Variants in CTNNA3 observed in about 807,000 individuals in gnomAD.
CTNNA3 encodes catenin alpha-3.
CTNNA3 carries 76 observed loss-of-function variants against 95.7 expected under a neutral mutation model. That is an observed-to-expected ratio of 0.79 (90% CI 0.66 to 0.96). CTNNA3 has a LOEUF of 0.96. Among genes scored for constraint, CTNNA3 ranks in the 40% least tolerant of loss-of-function variants. CTNNA3 has a pLI of 0.00. For missense variants in CTNNA3, 1,191 were observed against 1,089.8 expected (o/e 1.09, Z -1.31); for synonymous variants, 431 against 374.4 (o/e 1.15, Z -1.74).
intron 5 of CTNNA3, among the ~76,000 whole-genome samples, chr10:67,269,250 A>G (rs1838848275): frequency 6.6e-6 from 1 of 152,208 alleles, no homozygotes; most frequent in Non-Finnish European, 1.5e-5. Context: ...CAAGTGGCTT[A>G]TCTAGATTTA....
intron 13 of CTNNA3, among the ~76,000 whole-genome samples, chr10:66,133,644 A>G (rs1299415304): frequency 2.6e-5 from 4 of 152,202 alleles, no homozygotes; most frequent in African/African-American, 7.2e-5. Context: ...AAATGAAAAT[A>G]TACACTAGGT....
chr10:67,018,768 T>C (rs1268522841), intron 7 of CTNNA3, among the ~76,000 whole-genome samples: 2 of 152,224 alleles, frequency 1.3e-5, no homozygotes, highest in African/African-American at 4.8e-5. Flanking sequence ...AGGAGTTAAT[T>C]TGAGCAACGC....
intron 5 of CTNNA3, among the ~76,000 whole-genome samples, chr10:67,460,741 T>C (rs527871639): frequency 1.3e-5 from 2 of 152,232 alleles, no homozygotes; most frequent in East Asian, 1.9e-4. Context: ...GCCATTTATT[T>C]TTCCAATACA....
intron 13 of CTNNA3, among the ~76,000 whole-genome samples, chr10:66,134,537 A>C (rs1404429162): frequency 6.6e-6 from 1 of 152,160 alleles, no homozygotes; most frequent in East Asian, 1.9e-4. Flanking sequence ...AAGTGGGAAA[A>C]ACAAGTATAA....
intron 11 of CTNNA3, among the ~76,000 whole-genome samples, chr10:66,457,029 G>A (rs2093499266): frequency 6.6e-6 from 1 of 151,724 alleles, no homozygotes; most frequent in Non-Finnish European, 1.5e-5. Context: ...AAGACGTCGT[G>A]TCTGGAATGA....
chr10:66,410,631 G>C (rs898750740), intron 11 of CTNNA3, among the ~76,000 whole-genome samples: 1 of 152,134 alleles, frequency 6.6e-6, no homozygotes, highest in Non-Finnish European at 1.5e-5. Flanking sequence ...CTGCCTTTCT[G>C]CATATTAGGT....
intron 5 of CTNNA3, among the ~76,000 whole-genome samples, chr10:67,220,694 A>C (rs1230225626): frequency 6.6e-6 from 1 of 152,220 alleles, no homozygotes; most frequent in Non-Finnish European, 1.5e-5. Flanking sequence ...GAATAGCATT[A>C]CATCAGAGAG....
intron 11 of CTNNA3, among the ~76,000 whole-genome samples, chr10:66,474,998 T>C (rs1839272499): frequency 6.6e-6 from 1 of 152,054 alleles, no homozygotes; most frequent in South Asian, 2.1e-4. Flanking sequence ...TTGCAGACAT[T>C]TACTCTCATT....
At chr10:67,688,125 T>G (rs1474822596) in intron 1 of CTNNA3, among the ~76,000 whole-genome samples, 2 of 152,220 alleles carry the variant, frequency 1.3e-5, no homozygotes, top group African/African-American at 4.8e-5. Context: ...CCCTAGACCC[T>G]GTAAGACATC....
chr10:67,559,831 G>A (rs1161981448), intron 3 of CTNNA3, among the ~76,000 whole-genome samples: 4 of 152,300 alleles, frequency 2.6e-5, no homozygotes, highest in South Asian at 2.1e-4. Context: ...CGAGAATTAC[G>A]TGAAGAATGC....
At chr10:67,168,159 AT>A (rs1397903249) in intron 7 of CTNNA3, among the ~76,000 whole-genome samples, 1 of 152,132 alleles carries the variant, frequency 6.6e-6, no homozygotes, top group Non-Finnish European at 1.5e-5. Flanking sequence ...GTTATCCAAC[AT>A]TAAAAACATC....
chr10:66,427,762 T>C (rs2132655665), intron 11 of CTNNA3, among the ~76,000 whole-genome samples: 1 of 152,086 alleles, frequency 6.6e-6, no homozygotes, highest in Middle Eastern at 3.4e-3. Context: ...GTACTAAATA[T>C]GGAAAGGAAC....
chr10:67,404,893 T>C (rs1304509046), intron 5 of CTNNA3, among the ~76,000 whole-genome samples: 6 of 151,928 alleles, frequency 3.9e-5, no homozygotes, highest in African/African-American at 1.5e-4. Context: ...CCAGAAGAGA[T>C]TGGGGGACAA....
chr10:66,007,814 C>T (rs1407142841), intron 15 of CTNNA3, among the ~76,000 whole-genome samples: 4 of 139,242 alleles, frequency 2.9e-5, no homozygotes, highest in Non-Finnish European at 4.7e-5. Flanking sequence ...TCCCTCGCTC[C>T]CTCCCTTTCT....
At chr10:66,046,427 C>T (rs1347562200) in intron 15 of CTNNA3, among the ~76,000 whole-genome samples, 2 of 152,096 alleles carry the variant, frequency 1.3e-5, no homozygotes, top group Non-Finnish European at 2.9e-5. Context: ...GTTAGACCCC[C>T]ATACATACAA....
intron 12 of CTNNA3, among the ~76,000 whole-genome samples, chr10:66,350,220 T>C (rs1256276886): frequency 1.3e-5 from 2 of 152,114 alleles, no homozygotes; most frequent in East Asian, 3.9e-4. Flanking sequence ...GTGAACATTC[T>C]GGGCTACTCA....
chr10:66,628,517 A>G (rs1845019038), intron 9 of CTNNA3, among the ~76,000 whole-genome samples: 2 of 152,206 alleles, frequency 1.3e-5, no homozygotes, highest in Non-Finnish European at 2.9e-5. Context: ...AATCTGTAGC[A>G]AAGATACAAA....
chr10:66,724,199 A>G (rs1363958859), intron 9 of CTNNA3, among the ~76,000 whole-genome samples: 1 of 152,144 alleles, frequency 6.6e-6, no homozygotes, highest in East Asian at 1.9e-4. Context: ...TGACTGGTAG[A>G]GAAATTTAGT....
intron 5 of CTNNA3, among the ~76,000 whole-genome samples, chr10:67,503,287 G>A (rs1234274133): frequency 6.6e-6 from 1 of 152,126 alleles, no homozygotes; most frequent in Admixed American, 6.6e-5. Context: ...CTCACCCTCT[G>A]TGGGCTGCAC....
Sources: gnomAD v4.1 joint callset for allele counts (sites outside exome capture counted in the v4.1 genomes callset) on GRCh38, gnomAD v4.1.1 for gene constraint, MANE v1.5 for transcripts, NCBI Gene and HGNC (gene_info 2026-07-23, HGNC 2026-07-21) for gene names.